Variants in ZDHHC14 observed in about 807,000 individuals in gnomAD.
ZDHHC14 encodes zDHHC palmitoyltransferase 14, also known as palmitoyltransferase ZDHHC14.
ZDHHC14 carries 16 observed loss-of-function variants against 47.7 expected under a neutral mutation model. The ratio of observed to expected loss-of-function variants is 0.34; its 90% CI spans 0.23 to 0.51. The LOEUF is 0.51. Ranked by LOEUF, ZDHHC14 falls within the 20% of genes least tolerant of loss-of-function variation. ZDHHC14 has a pLI of 0.97. For missense variants in ZDHHC14, 515 were observed against 662.5 expected, an observed-to-expected ratio of 0.78 and a Z score of 2.44; for synonymous variants, 293 against 278.9, an observed-to-expected ratio of 1.05 and a Z score of -0.50.
chr6:157,567,744 G>T (rs1452309638), intron 2 of ZDHHC14, among the ~76,000 whole-genome samples: 1 of 151,370 alleles, frequency 6.6e-6, no homozygotes, highest in Non-Finnish European at 1.5e-5. Flanking sequence ...TTGAACCTGG[G>T]AGGTTGCAGT....
intron 1 of ZDHHC14, among the ~76,000 whole-genome samples, chr6:157,504,651 T>C (rs1265726209): frequency 6.6e-6 from 1 of 151,924 alleles, no homozygotes. Context: ...CCTCAGGTGA[T>C]CTGCCCACCT....
intron 3 of ZDHHC14, among the ~76,000 whole-genome samples, chr6:157,600,863 TA>T (rs893130906): frequency 1.3e-5 from 2 of 152,160 alleles, no homozygotes; most frequent in Admixed American, 6.5e-5. Flanking sequence ...GTAGATGTCA[TA>T]AAAGGTGACT....
At chr6:157,611,565 A>C (rs981661494) in intron 3 of ZDHHC14, among the ~76,000 whole-genome samples, 24 of 152,176 alleles carry the variant, frequency 1.6e-4, no homozygotes, top group African/African-American at 4.6e-4. Flanking sequence ...ACTCAACTGC[A>C]GTGTCAGTGC....
intron 1 of ZDHHC14, among the ~76,000 whole-genome samples, chr6:157,476,253 C>T (rs562941869): frequency 7.2e-5 from 11 of 152,064 alleles, no homozygotes; most frequent in Admixed American, 5.2e-4. Context: ...ACATCTGATA[C>T]GATTAAAAAT....
At chr6:157,523,070 G>A (rs977708105) in intron 1 of ZDHHC14, among the ~76,000 whole-genome samples, 7 of 149,714 alleles carry the variant, frequency 4.7e-5, no homozygotes, top group Admixed American at 1.3e-4. Context: ...CATCTAGGGC[G>A]GCTGTGTTGA....
intron 1 of ZDHHC14, among the ~76,000 whole-genome samples, chr6:157,492,169 C>T (rs1011874141): frequency 6.6e-6 from 1 of 151,598 alleles, no homozygotes; most frequent in African/African-American, 2.4e-5. Context: ...TTCTCTGCCA[C>T]CTGAGCCTTG....
intron 1 of ZDHHC14, among the ~76,000 whole-genome samples, chr6:157,383,467 G>C (rs1777253534): frequency 6.6e-6 from 1 of 152,080 alleles, no homozygotes; most frequent in South Asian, 2.1e-4. Context: ...CTCTAATTTT[G>C]TGCCTGGCTT....
chr6:157,474,367 A>G (rs1332383656), intron 1 of ZDHHC14, among the ~76,000 whole-genome samples: 1 of 152,202 alleles, frequency 6.6e-6, no homozygotes, highest in African/African-American at 2.4e-5. Flanking sequence ...ATAATACTGC[A>G]ATGAATATGG....
At chr6:157,488,928 T>C (rs961001077) in intron 1 of ZDHHC14, among the ~76,000 whole-genome samples, 1 of 152,204 alleles carries the variant, frequency 6.6e-6, no homozygotes, top group Admixed American at 6.5e-5. Context: ...TTAATTTCCA[T>C]AGATTAATTG....
rs568169562 is a variant in ZDHHC14, at chr6:157,574,587, T to C, written c.407-18401T>C. On this transcript the variant is annotated intron_variant, in intron 2 of 8. Transcript: ENST00000359775. Reference sequence around the variant, plus strand: ...TCCCCTCACCCAGCACCACAGAAACTCCCCTGGACTGCCCCGGGTTCCCTG... The same window carrying C: ...TCCCCTCACCCAGCACCACAGAAACCCCCCTGGACTGCCCCGGGTTCCCTG... Among the ~76,000 whole-genome samples, 116 of 152,066 alleles carry C rather than the reference T, an allele frequency of 7.6e-4. 1 individual carries two copies. The highest frequency in any genetic ancestry group is 2.7e-3 in the African/African-American group (110 of 41,446).
chr6:157,437,803 C>A (rs1191750226), intron 1 of ZDHHC14, among the ~76,000 whole-genome samples: 1 of 151,730 alleles, frequency 6.6e-6, no homozygotes, highest in East Asian at 1.9e-4. Flanking sequence ...TTCATTCTTC[C>A]CCATATTAAA....
intron 7 of ZDHHC14, 83 bp from the exon 8 acceptor site, chr6:157,653,442 C>G (rs1777931607): frequency 4.8e-6 from 7 of 1,456,548 alleles, no homozygotes; most frequent in Non-Finnish European, 6.6e-6. Flanking sequence ...AGAGGGAGCC[C>G]CGACGCGGAA....
At chr6:157,436,089 G>A (rs1348297026) in intron 1 of ZDHHC14, among the ~76,000 whole-genome samples, 2 of 152,092 alleles carry the variant, frequency 1.3e-5, no homozygotes, top group Admixed American at 1.3e-4. Context: ...GTAGGTGGAG[G>A]TCACACTGTG....
chr6:157,430,311 T>TAAA (rs67359917), intron 1 of ZDHHC14, among the ~76,000 whole-genome samples: 5 of 96,346 alleles, frequency 5.2e-5, no homozygotes, highest in Non-Finnish European at 6.4e-5. Context: ...CAAGACTGTG[T>TAAA]AAAAAAAAAA....
chr6:157,543,459 A>T (rs929408265), intron 2 of ZDHHC14, among the ~76,000 whole-genome samples: 4 of 152,046 alleles, frequency 2.6e-5, no homozygotes, highest in Admixed American at 2.6e-4. Context: ...ATGGCAGAGG[A>T]GCTGTGATGA....
At chr6:157,655,294 A>G (rs1778035019) in intron 8 of ZDHHC14, among the ~76,000 whole-genome samples, 1 of 152,194 alleles carries the variant, frequency 6.6e-6, no homozygotes, top group Non-Finnish European at 1.5e-5. Flanking sequence ...CTAAAGCAAC[A>G]GTGGGAAAAG....
intron 2 of ZDHHC14, among the ~76,000 whole-genome samples, chr6:157,571,366 C>A (rs1783090714): frequency 6.6e-6 from 1 of 152,144 alleles, no homozygotes. Context: ...GTTGGGTGTC[C>A]CCATAAACCA....
At chr6:157,461,001 T>C (rs148614914) in intron 1 of ZDHHC14, among the ~76,000 whole-genome samples, 63 of 152,342 alleles carry the variant, frequency 4.1e-4, no homozygotes, top group African/African-American at 1.5e-3. Context: ...AAGGCTTCCT[T>C]TTCCTGACTG....
chr6:157,508,974 C>G (rs527241818), intron 1 of ZDHHC14, among the ~76,000 whole-genome samples: 4 of 152,200 alleles, frequency 2.6e-5, no homozygotes, highest in Non-Finnish European at 4.4e-5. Flanking sequence ...TTCAGTTCCA[C>G]GTGGTTGGAG....
Sources: gnomAD v4.1 joint callset for allele counts (sites outside exome capture counted in the v4.1 genomes callset) on GRCh38, gnomAD v4.1.1 for gene constraint, MANE v1.5 for transcripts, NCBI Gene and HGNC (gene_info 2026-07-23, HGNC 2026-07-21) for gene names.